The following CRPPA variants were observed in gnomAD, a reference collection of about 807,000 sequenced individuals.
CRPPA encodes the protein CDP-L-ribitol pyrophosphorylase A.
In CRPPA, 43 loss-of-function variants were observed where a neutral mutation model predicts 52.0. That is an observed-to-expected ratio of 0.83 (90% CI 0.65 to 1.07). CRPPA has a LOEUF of 1.07. CRPPA is among the 50% of genes least tolerant of loss of function. CRPPA has a pLI of 0.00. For missense variants in CRPPA, 629 were observed against 551.7 expected (o/e 1.14, Z -1.40); for synonymous variants, 250 against 203.5 (o/e 1.23, Z -1.94).
At chr7:16,132,506 A>G (rs1319179427) in intron 9 of CRPPA, among the ~76,000 whole-genome samples, 1 of 124,622 alleles carries the variant, frequency 8.0e-6, no homozygotes, top group African/African-American at 2.6e-5. Context: ...CAAAAAAGTA[A>G]AATTAGAGAA....
At position 16,088,167 on chromosome 7, in the gene CRPPA, G is replaced by A. The variant is rs571232421; in HGVS notation, c.*3528C>T. 2.0e-5 allele frequency: 3 copies of A among 152,016 alleles called. No homozygotes were observed. The highest frequency in any genetic ancestry group is 4.4e-5 in the Non-Finnish European group (3 of 68,024). The allele number at this position is 152,016 out of a possible 1,614,324, so 9.4% of individuals were successfully genotyped here. A position where few individuals can be genotyped will look rare whatever the true frequency, so the allele number is the denominator to read the frequency against. On this transcript the variant is annotated 3_prime_UTR_variant, in exon 10 of 10. Transcript: ENST00000407010. ...TGTCATTAATCAAACCATTACTCAC[G>A]CTATGATGAACTCCTAAGACGACTA...
At chr7:16,244,630 T>A (rs1385015113) in intron 8 of CRPPA, among the ~76,000 whole-genome samples, 2 of 152,190 alleles carry the variant, frequency 1.3e-5, no homozygotes, top group Admixed American at 1.3e-4. Context: ...CAGCCTCATT[T>A]TTCTTTAAAT....
At chr7:16,141,175 T>G (rs1782862443) in intron 9 of CRPPA, among the ~76,000 whole-genome samples, 1 of 152,198 alleles carries the variant, frequency 6.6e-6, no homozygotes. Flanking sequence ...TGTCCATTCA[T>G]TTATGATTTT....
intron 4 of CRPPA, among the ~76,000 whole-genome samples, chr7:16,303,626 T>C (rs577151848): frequency 6.6e-6 from 1 of 152,200 alleles, no homozygotes; most frequent in South Asian, 2.1e-4. Flanking sequence ...AGAATGTTTA[T>C]TAGGTATAGA....
intron 9 of CRPPA, among the ~76,000 whole-genome samples, chr7:16,150,058 C>A (rs1243584796): frequency 6.6e-6 from 1 of 151,292 alleles, no homozygotes; most frequent in African/African-American, 2.4e-5. Context: ...ATTTTTTTAA[C>A]CTCATTGAGA....
At chr7:16,288,814 C>T (rs1356683478) in intron 5 of CRPPA, among the ~76,000 whole-genome samples, 3 of 132,460 alleles carry the variant, frequency 2.3e-5, no homozygotes, top group African/African-American at 9.0e-5. Flanking sequence ...CCACTGCACT[C>T]CAGTCTGGGC....
chr7:16,211,123 C>A (rs925207121), intron 9 of CRPPA, among the ~76,000 whole-genome samples: 1 of 152,130 alleles, frequency 6.6e-6, no homozygotes, highest in Admixed American at 6.5e-5. Context: ...ACAAAAAAAT[C>A]TGTAGCAGAA....
At chr7:16,418,257 T>C (rs1788242242) in intron 1 of CRPPA, among the ~76,000 whole-genome samples, 1 of 152,164 alleles carries the variant, frequency 6.6e-6, no homozygotes, top group Non-Finnish European at 1.5e-5. Flanking sequence ...TCAGACATAA[T>C]AGTGATAAAA....
At chr7:16,374,431 T>C (rs1029292299) in intron 3 of CRPPA, among the ~76,000 whole-genome samples, 4 of 152,170 alleles carry the variant, frequency 2.6e-5, no homozygotes, top group Admixed American at 1.3e-4. Flanking sequence ...AGACGGCCTA[T>C]TGTGGGACTT....
At chr7:16,334,514 G>T (rs1382389186) in intron 3 of CRPPA, among the ~76,000 whole-genome samples, 1 of 152,114 alleles carries the variant, frequency 6.6e-6, no homozygotes, top group Non-Finnish European at 1.5e-5. Flanking sequence ...CTCTGGTCCT[G>T]CCCATCCTAT....
At chr7:16,186,105 T>C (rs1781500201) in intron 9 of CRPPA, among the ~76,000 whole-genome samples, 1 of 152,198 alleles carries the variant, frequency 6.6e-6, no homozygotes, top group African/African-American at 2.4e-5. Flanking sequence ...GATTTGATAA[T>C]GCAAGTAAAT....
intron 8 of CRPPA, among the ~76,000 whole-genome samples, chr7:16,254,812 A>AGAAAGAAAGAAAGAAAGAAAGAAC (rs1562588684): frequency 1.2e-4 from 17 of 147,174 alleles, no homozygotes; most frequent in African/African-American, 3.7e-4. Context: ...AAAGAAAGAA[A>AGAAAGAAAGAAAGAAAGAAAGAAC]GAAAGAAAGA....
At chr7:16,142,047 C>T (rs1189179767) in intron 9 of CRPPA, among the ~76,000 whole-genome samples, 1 of 151,992 alleles carries the variant, frequency 6.6e-6, no homozygotes, top group Non-Finnish European at 1.5e-5. Flanking sequence ...TATATGTACA[C>T]GTGAACAGAA....
intron 9 of CRPPA, among the ~76,000 whole-genome samples, chr7:16,189,052 C>A (rs1266826300): frequency 6.6e-6 from 1 of 152,158 alleles, no homozygotes; most frequent in East Asian, 1.9e-4. Context: ...GTTCCAACAT[C>A]ATTCGATGTC....
rs1562643197 is a variant in CRPPA, at chr7:16,342,788, T to TAG, written c.684+33303_684+33304insCT. 1.0e-3 allele frequency among the ~76,000 whole-genome samples: 62 copies of TAG among 61,184 alleles called. 8 individuals carry two copies. The highest frequency in any genetic ancestry group is 2.0e-3 in the African/African-American group (35 of 17,500). 40.1% of individuals were successfully genotyped at this position (61,184 alleles called of 152,430 possible). On this transcript the variant is annotated intron_variant, in intron 3 of 9. Transcript: ENST00000407010. Reference sequence around the variant, plus strand: ...CAAAAAAAAAAAAAAAAAAAATATATATATATATATCTATATAGATATATA... The same window carrying TAG: ...CAAAAAAAAAAAAAAAAAAAATATATAGATATATATATCTATATAGATATATA...
At chr7:16,406,606 A>G (rs1224338208) in intron 1 of CRPPA, among the ~76,000 whole-genome samples, 2 of 152,238 alleles carry the variant, frequency 1.3e-5, no homozygotes, top group Admixed American at 6.5e-5. Context: ...ATATAGTACT[A>G]CCAGATGTCA....
intron 9 of CRPPA, among the ~76,000 whole-genome samples, chr7:16,186,110 G>GTA (rs1781500340): frequency 6.6e-6 from 1 of 152,198 alleles, no homozygotes; most frequent in South Asian, 2.1e-4. Context: ...GATAATGCAA[G>GTA]TAAATTTATC....
chr7:16,231,935 A>G (rs970670135), intron 8 of CRPPA, among the ~76,000 whole-genome samples: 20 of 152,200 alleles, frequency 1.3e-4, no homozygotes, highest in Non-Finnish European at 2.6e-4. Context: ...GACATGGTAC[A>G]TGGAGGAATC....
chr7:16,388,634 G>T (rs950034189), intron 2 of CRPPA, among the ~76,000 whole-genome samples: 2 of 152,212 alleles, frequency 1.3e-5, no homozygotes, highest in African/African-American at 2.4e-5. Flanking sequence ...CAGCACTTTG[G>T]GAGGCCAAGG....
Sources: gnomAD v4.1 joint callset for allele counts (sites outside exome capture counted in the v4.1 genomes callset) on GRCh38, gnomAD v4.1.1 for gene constraint, MANE v1.5 for transcripts, NCBI Gene and HGNC (gene_info 2026-07-23, HGNC 2026-07-21) for gene names.